CHST11: variants seen among roughly 807,000 people sequenced by gnomAD.
CHST11 encodes C4S-1.
A neutral mutation model predicts 30.4 loss-of-function variants in CHST11; 9 were observed. That is an observed-to-expected ratio of 0.30 (90% CI 0.18 to 0.52). The LOEUF (loss-of-function observed/expected upper bound fraction) is 0.52, where lower values mean the gene tolerates loss of function less well. CHST11 is among the 20% of genes least tolerant of loss of function. The pLI is 0.97. For missense variants in CHST11, 348 were observed against 460.6 expected, an observed-to-expected ratio of 0.76 and a Z score of 2.24; for synonymous variants, 152 against 187.8, an observed-to-expected ratio of 0.81 and a Z score of 1.56.
At chr12:104,607,787 T>C (rs11834042) in intron 2 of CHST11, among the ~76,000 whole-genome samples, 2,133 of 152,152 alleles carry the variant, frequency 0.014, 30 homozygotes, top group African/African-American at 0.04. Flanking sequence ...GCCATTCTGG[T>C]CATTTCCAAT....
At chr12:104,641,734 C>G (rs1334366375) in intron 2 of CHST11, among the ~76,000 whole-genome samples, 1 of 152,182 alleles carries the variant, frequency 6.6e-6, no homozygotes, top group Admixed American at 6.5e-5. Flanking sequence ...TGGGTGGACC[C>G]TACCCACCTT....
intron 2 of CHST11, among the ~76,000 whole-genome samples, chr12:104,653,948 G>A (rs1335460997): frequency 6.6e-6 from 1 of 152,172 alleles, no homozygotes; most frequent in Non-Finnish European, 1.5e-5. Flanking sequence ...TCTTTTCCCA[G>A]GGTAGTAAAA....
intron 2 of CHST11, among the ~76,000 whole-genome samples, chr12:104,750,385 T>C (rs1373511735): frequency 6.6e-6 from 1 of 151,506 alleles, no homozygotes; most frequent in Non-Finnish European, 1.5e-5. Context: ...TGTTTATGTT[T>C]GTTTTGAACT....
rs369152810 is a variant in CHST11, at chr12:104,749,568, C to G, written c.205-7381C>G. ...CAAGTCCTTTCTTTGTAAAATTGAT[C>G]AAACTTGGTTGGAAAATTTGGGCAT... On this transcript the variant is annotated intron_variant, in intron 2 of 2. Coordinates refer to ENST00000303694, the MANE Select transcript of CHST11 (RefSeq NM_018413.6). Among the ~76,000 whole-genome samples the G allele has an allele frequency of 3.9e-5, 6 of 152,318 alleles. No individual in the cohort carries two copies. In the East Asian group the frequency reaches 1.2e-3, roughly 29 times the overall value.
intron 1 of CHST11, among the ~76,000 whole-genome samples, chr12:104,472,884 G>A (rs780338445): frequency 1.4e-4 from 22 of 152,052 alleles, no homozygotes; most frequent in Non-Finnish European, 2.5e-4. Flanking sequence ...ATTTGCTGGC[G>A]GAATCTGGGA....
chr12:104,471,821 T>G (rs569184468), intron 1 of CHST11, among the ~76,000 whole-genome samples: 11 of 152,230 alleles, frequency 7.2e-5, no homozygotes, highest in Non-Finnish European at 1.5e-4. Context: ...ACAGGACATC[T>G]AAATTCAGGC....
intron 1 of CHST11, among the ~76,000 whole-genome samples, chr12:104,550,075 TG>T (rs2038391010): frequency 6.6e-6 from 1 of 152,176 alleles, no homozygotes; most frequent in Non-Finnish European, 1.5e-5. Flanking sequence ...CTGACCTCTT[TG>T]GGCTGTTGGT....
chr12:104,617,148 G>A (rs17035985), intron 2 of CHST11, among the ~76,000 whole-genome samples: 4 of 152,080 alleles, frequency 2.6e-5, no homozygotes, highest in East Asian at 1.9e-4. Flanking sequence ...GGCATTGAAC[G>A]GGTGCCTTTA....
At chr12:104,736,353 G>A (rs1371418172) in intron 2 of CHST11, among the ~76,000 whole-genome samples, 1 of 152,146 alleles carries the variant, frequency 6.6e-6, no homozygotes, top group Non-Finnish European at 1.5e-5. Flanking sequence ...AAGGAAGGTT[G>A]GGGAGGGCCA....
chr12:104,733,606 T>A (rs974569804), intron 2 of CHST11, among the ~76,000 whole-genome samples: 1 of 152,236 alleles, frequency 6.6e-6, no homozygotes, highest in Non-Finnish European at 1.5e-5. Context: ...GCAAAAGTAA[T>A]TGTAGTTCTT....
intron 2 of CHST11, among the ~76,000 whole-genome samples, chr12:104,643,287 C>T (rs2039395531): frequency 6.6e-6 from 1 of 152,214 alleles, no homozygotes; most frequent in Admixed American, 6.5e-5. Context: ...ATGATTGTGC[C>T]ACTGTGTTCC....
rs2038947570 is a variant in CHST11 at position 104,600,445 on chromosome 12, T to C, written c.119-1461T>C. ...TCCCAGGGGGATCTAAAATAGCTTCTGAAATTTGTCACCAACACTTTTAAA... is the reference window on the plus strand; with the variant it reads ...TCCCAGGGGGATCTAAAATAGCTTCCGAAATTTGTCACCAACACTTTTAAA... On this transcript the variant is annotated intron_variant, in intron 1 of 2. Coordinates refer to ENST00000303694, the MANE Select transcript of CHST11 (RefSeq NM_018413.6). The surrounding 1 kb of genome is among the most constrained non-coding windows in gnomAD (Gnocchi z 4.1). Among the ~76,000 whole-genome samples, 1 of 152,238 alleles carries C rather than the reference T, an allele frequency of 6.6e-6. No homozygotes were observed.
In CHST11 at chr12:104,672,580, A is replaced by G. The variant is rs548273463; in HGVS notation, c.204+70589A>G. ...GGCCCTGGCCTCTTTCAGGAATAGA[A>G]CATGTGAGGATGGTTGGCTTCACCA... On this transcript the variant is annotated intron_variant, in intron 2 of 2. Transcript: ENST00000303694. Among the ~76,000 whole-genome samples, 3 of 152,326 alleles carry G rather than the reference A, an allele frequency of 2.0e-5. No homozygotes were observed. In the South Asian group the frequency reaches 6.2e-4, roughly 32 times the overall value.
intron 2 of CHST11, among the ~76,000 whole-genome samples, chr12:104,651,111 C>G (rs914470375): frequency 6.6e-6 from 1 of 152,160 alleles, no homozygotes; most frequent in Non-Finnish European, 1.5e-5. Context: ...GTCTGGTGGC[C>G]CAATTGCCGA....
chr12:104,681,825 C>CTTTTTTTTTTTTTTTTTT (rs149441295), intron 2 of CHST11, among the ~76,000 whole-genome samples: 2 of 85,086 alleles, frequency 2.4e-5, no homozygotes, highest in Non-Finnish European at 4.2e-5. Flanking sequence ...GTCTGTTTTG[C>CTTTTTTTTTTTTTTTTTT]TTTTTTTTTT....
intron 2 of CHST11, among the ~76,000 whole-genome samples, chr12:104,716,142 C>A (rs1204362150): frequency 6.6e-6 from 1 of 152,208 alleles, no homozygotes; most frequent in Non-Finnish European, 1.5e-5. Context: ...TCATATTTAG[C>A]CCTTTGAATA....
chr12:104,514,863 A>G (rs530973890), intron 1 of CHST11, among the ~76,000 whole-genome samples: 1 of 152,344 alleles, frequency 6.6e-6, no homozygotes, highest in East Asian at 1.9e-4. Context: ...TGGAGGGGAC[A>G]AATATCTGAA....
At chr12:104,576,819 C>T (rs1229314153) in intron 1 of CHST11, among the ~76,000 whole-genome samples, 2 of 152,174 alleles carry the variant, frequency 1.3e-5, no homozygotes, top group African/African-American at 2.4e-5. Context: ...TAGGAATCTG[C>T]ATTGACACCA....
chr12:104,633,854 T>A (rs2039297125), intron 2 of CHST11, among the ~76,000 whole-genome samples: 1 of 152,150 alleles, frequency 6.6e-6, no homozygotes, highest in Non-Finnish European at 1.5e-5. Context: ...CAGCTGCATC[T>A]TCCTGTCCTC....
Sources: gnomAD v4.1 joint callset for allele counts (sites outside exome capture counted in the v4.1 genomes callset) on GRCh38, gnomAD v4.1.1 for gene constraint, Gnocchi (gnomAD v3.1) non-coding constraint, MANE v1.5 for transcripts, NCBI Gene and HGNC (gene_info 2026-07-23, HGNC 2026-07-21) for gene names.